Variants in OSBPL6 observed in about 807,000 individuals in gnomAD.
OSBPL6 encodes oxysterol-binding protein-related protein 6.
In OSBPL6, 49 loss-of-function variants were observed where a neutral mutation model predicts 125.8. That is an observed-to-expected ratio of 0.39 (90% CI 0.31 to 0.49). The LOEUF (loss-of-function observed/expected upper bound fraction) is 0.49, where lower values mean the gene tolerates loss of function less well. Among genes scored for constraint, OSBPL6 ranks in the 20% least tolerant of loss-of-function variants. OSBPL6 has a pLI of 0.88. For synonymous variants in OSBPL6, 394 were observed against 391.8 expected, an observed-to-expected ratio of 1.01 and a Z score of -0.07; for missense variants, 986 against 1,135.4, an observed-to-expected ratio of 0.87 and a Z score of 1.89.
At chr2:178,272,169 G>GAAGTC (rs1271502370) in intron 1 of OSBPL6, among the ~76,000 whole-genome samples, 2 of 152,184 alleles carry the variant, frequency 1.3e-5, no homozygotes, top group African/African-American at 4.8e-5. Flanking sequence ...ATGTAAGAGT[G>GAAGTC]AAGTCAGCCT....
chr2:178,339,373 G>A (rs1689991494), intron 10 of OSBPL6, among the ~76,000 whole-genome samples: 2 of 152,126 alleles, frequency 1.3e-5, no homozygotes, highest in Admixed American at 6.6e-5. Context: ...AGAAATGGTA[G>A]CTTTGAAGAT....
chr2:178,249,740 A>T (rs1194884875), intron 1 of OSBPL6, among the ~76,000 whole-genome samples: 1 of 152,016 alleles, frequency 6.6e-6, no homozygotes, highest in Non-Finnish European at 1.5e-5. Context: ...GGTTGTTATC[A>T]ATATGCTGTT....
At chr2:178,362,511 C>T (rs756075155) in intron 13 of OSBPL6, among the ~76,000 whole-genome samples, 4 of 152,120 alleles carry the variant, frequency 2.6e-5, no homozygotes, top group Non-Finnish European at 5.9e-5. Flanking sequence ...AATGCACTGA[C>T]TTAACTCCTT....
intron 3 of OSBPL6, among the ~76,000 whole-genome samples, chr2:178,314,868 A>C (rs1158226741): frequency 6.6e-6 from 1 of 152,096 alleles, no homozygotes; most frequent in Non-Finnish European, 1.5e-5. Context: ...CCACTATTAG[A>C]TGTTGTAATG....
chr2:178,361,886 G>T (rs1692393061), intron 13 of OSBPL6, 71 bp downstream of exon 13: 2 of 1,576,934 alleles, frequency 1.3e-6, no homozygotes, highest in East Asian at 2.3e-5. Context: ...ATCAAAAGAT[G>T]GGGGGCTGGC....
At chr2:178,337,959 T>TTTTTTTTTTTTTTTTTTA (rs1574908211) in intron 9 of OSBPL6, among the ~76,000 whole-genome samples, 5 of 150,980 alleles carry the variant, frequency 3.3e-5, no homozygotes, top group Admixed American at 1.3e-4. Flanking sequence ...CTTTTTTTTT[T>TTTTTTTTTTTTTTTTTTA]GAGACGGAGT....
chr2:178,267,180 C>T (rs1462851340), intron 1 of OSBPL6, among the ~76,000 whole-genome samples: 1 of 151,824 alleles, frequency 6.6e-6, no homozygotes, highest in Admixed American at 6.6e-5. Flanking sequence ...ATGGGGAAAC[C>T]CTGTCTCTAC....
At position 178,400,059 on chromosome 2, in the gene OSBPL6, T is replaced by C. The variant is rs1356282250; in HGVS notation, c.*4500T>C. ...AATATTAAGTTTTCATAAAGCAAAG[T>C]ATCATCTTATTTGTGTTCCACCTGT... On this transcript the variant is annotated 3_prime_UTR_variant, in exon 25 of 25. Transcript: ENST00000190611. The C allele has an allele frequency of 6.6e-6, 1 of 152,116 alleles. No homozygotes were observed. Among genetic ancestry groups the C allele is most frequent in the Non-Finnish European group, 1.5e-5 (1 of 68,020 alleles). The allele number at this position is 152,116 out of a possible 1,614,324, so 9.4% of individuals were successfully genotyped here. A position where few individuals can be genotyped will look rare whatever the true frequency, so the allele number is the denominator to read the frequency against.
chr2:178,294,851 A>T (rs1323642520), intron 2 of OSBPL6, among the ~76,000 whole-genome samples: 2 of 145,786 alleles, frequency 1.4e-5, no homozygotes, highest in Non-Finnish European at 3.0e-5. Flanking sequence ...TAACATGTGC[A>T]TTACCTCACC....
At chr2:178,380,234 A>T (rs1694332740) in intron 15 of OSBPL6, among the ~76,000 whole-genome samples, 1 of 152,052 alleles carries the variant, frequency 6.6e-6, no homozygotes, top group South Asian at 2.1e-4. Context: ...GGATTGCTTG[A>T]AGCTAGGAGT....
At chr2:178,199,365 C>G (rs1334596326) in intron 1 of OSBPL6, among the ~76,000 whole-genome samples, 5 of 152,166 alleles carry the variant, frequency 3.3e-5, no homozygotes, top group African/African-American at 1.2e-4. Flanking sequence ...TTTCTACACA[C>G]TTAATATTTC....
intron 1 of OSBPL6, among the ~76,000 whole-genome samples, chr2:178,212,210 G>A (rs334020): frequency 0.035 from 5,376 of 152,222 alleles, 308 homozygotes; most frequent in African/African-American, 0.12. Flanking sequence ...CCTGTGTCAT[G>A]CTAATGGGGA....
At chr2:178,222,147 C>T (rs1400885902) in intron 1 of OSBPL6, among the ~76,000 whole-genome samples, 11 of 152,174 alleles carry the variant, frequency 7.2e-5, no homozygotes, top group Admixed American at 3.9e-4. Flanking sequence ...GTAGTTGTCA[C>T]GGAGCAACCC....
chr2:178,223,416 G>A (rs745326993), intron 1 of OSBPL6, among the ~76,000 whole-genome samples: 30 of 152,136 alleles, frequency 2.0e-4, no homozygotes, highest in Non-Finnish European at 3.7e-4. Context: ...CCTTGTTGTA[G>A]ATATTTTCCC....
chr2:178,271,038 A>G (rs940972322), intron 1 of OSBPL6, among the ~76,000 whole-genome samples: 3 of 152,180 alleles, frequency 2.0e-5, no homozygotes, highest in African/African-American at 7.2e-5. Flanking sequence ...ACAGTACCAC[A>G]GACTTCCACT....
intron 2 of OSBPL6, among the ~76,000 whole-genome samples, chr2:178,285,501 AG>A (rs1684615405): frequency 6.6e-6 from 1 of 152,222 alleles, no homozygotes; most frequent in African/African-American, 2.4e-5. Context: ...ATTTGACTAC[AG>A]GTACACATTC....
At chr2:178,232,062 A>T (rs1300733722) in intron 1 of OSBPL6, among the ~76,000 whole-genome samples, 1 of 152,110 alleles carries the variant, frequency 6.6e-6, no homozygotes, top group Non-Finnish European at 1.5e-5. Context: ...CAGATCCATA[A>T]ACTGGGTAAA....
intron 1 of OSBPL6, among the ~76,000 whole-genome samples, chr2:178,209,185 C>T (rs575479982): frequency 3.0e-4 from 46 of 151,228 alleles, no homozygotes; most frequent in African/African-American, 1.1e-3. Flanking sequence ...TGCTTTCTTC[C>T]CCTCACTTTT....
intron 1 of OSBPL6, among the ~76,000 whole-genome samples, chr2:178,257,599 A>G (rs1052559454): frequency 6.6e-6 from 1 of 152,210 alleles, no homozygotes; most frequent in Non-Finnish European, 1.5e-5. Context: ...CAGTTTAGAA[A>G]TTACTTTTAT....
Sources: allele counts gnomAD v4.1 joint callset (sites outside exome capture counted in the v4.1 genomes callset), GRCh38; gene constraint gnomAD v4.1.1; transcripts MANE v1.5; gene names NCBI Gene and HGNC (gene_info 2026-07-23, HGNC 2026-07-21).